The following RFX6 variants were observed in gnomAD, a reference collection of about 807,000 sequenced individuals.
RFX6 encodes the protein DNA-binding protein RFX6.
Under a neutral mutation model 110.8 loss-of-function variants are expected in RFX6, and 50 were observed. The observed-to-expected ratio is 0.45, with a 90% CI of 0.36 to 0.57. The LOEUF is 0.57. Among genes scored for constraint, RFX6 ranks in the 20% least tolerant of loss-of-function variants. RFX6 has a pLI of 0.00. For synonymous variants in RFX6, 383 were observed against 411.2 expected (o/e 0.93, Z 0.83); for missense variants, 990 against 1,127.0 (o/e 0.88, Z 1.74).
chr6:116,920,439 G>T lies in RFX6; in HGVS notation c.1312G>T (p.Gly438Cys). ...TTCAGGCAGCACAGACACTGAATCTGGTATCTACACTGAACGTAAGTCCAT... is the reference window on the plus strand; with the variant it reads ...TTCAGGCAGCACAGACACTGAATCTTGTATCTACACTGAACGTAAGTCCAT... ...TISGSTDTESGIYTEHDSITV... is the reference protein window; with the variant it reads ...TISGSTDTESCIYTEHDSITV... The change falls in exon 12 of 19, where the codon GGT becomes TGT. Residue 438 changes from glycine to cysteine, a missense_variant. This residue lies in a region of RFX6 where 45 missense variants were observed against 29.3 expected (regional missense o/e 1.53). Transcript: ENST00000332958. 6.2e-7 allele frequency: 1 copy of T among 1,613,368 alleles called. No homozygotes were observed.
In RFX6 at chr6:116,879,954, A is replaced by G. The variant is rs548240253; in HGVS notation, c.381-590A>G. ...TTACATTATCTTTTAAGTGTATAGG[A>G]TGTTTTAGATAATTATAGTACTGAT... On this transcript the variant is annotated intron_variant, in intron 2 of 18. Coordinates refer to ENST00000332958, the MANE Select transcript of RFX6 (RefSeq NM_173560.4). 1.1e-4 allele frequency among the ~76,000 whole-genome samples: 17 copies of G among 152,090 alleles called. No homozygotes were observed. In the South Asian group the frequency reaches 1.7e-3, roughly 15 times the overall value.
At chr6:116,905,042 C>T (rs939111830) in intron 6 of RFX6, among the ~76,000 whole-genome samples, 9 of 152,234 alleles carry the variant, frequency 5.9e-5, no homozygotes, top group East Asian at 1.9e-4. Context: ...TACCCAGAAG[C>T]GGAATTACTG....
At chr6:116,928,370 A>G (rs1051911040) in intron 17 of RFX6, among the ~76,000 whole-genome samples, 1 of 152,208 alleles carries the variant, frequency 6.6e-6, no homozygotes. Flanking sequence ...GCATCTATAC[A>G]TGAAAGTAGT....
At chr6:116,912,260 T>C (rs577021781) in intron 7 of RFX6, among the ~76,000 whole-genome samples, 106 of 152,126 alleles carry the variant, frequency 7.0e-4, no homozygotes, top group African/African-American at 2.4e-3. Context: ...AATTGGATCA[T>C]TCGTATTCCA....
chr6:116,903,675 C>T (rs1160286797), intron 6 of RFX6, among the ~76,000 whole-genome samples: 1 of 151,894 alleles, frequency 6.6e-6, no homozygotes, highest in African/African-American at 2.4e-5. Flanking sequence ...TATTATTTGC[C>T]CAGTTGTATC....
intron 16 of RFX6, among the ~76,000 whole-genome samples, chr6:116,926,089 A>G (rs1775722818): frequency 1.3e-5 from 2 of 152,048 alleles, no homozygotes; most frequent in Admixed American, 1.3e-4. Context: ...GGCCGAGGCG[A>G]GCAGAGCACC....
At chr6:116,918,460 A>C (rs560536417) in intron 10 of RFX6, among the ~76,000 whole-genome samples, 1 of 152,132 alleles carries the variant, frequency 6.6e-6, no homozygotes, top group African/African-American at 2.4e-5. Context: ...TTTTGTCTTA[A>C]TTACAAAATC....
At chr6:116,895,568 C>T (rs1393106110) in intron 6 of RFX6, among the ~76,000 whole-genome samples, 2 of 152,022 alleles carry the variant, frequency 1.3e-5, no homozygotes, top group Non-Finnish European at 1.5e-5. Flanking sequence ...GGACTGCACC[C>T]ATTTAGACAA....
Position 116,922,073 on chromosome 6 carries a change from G to T in RFX6, c.1359G>T (p.Lys453Asn). Residue 453 changes from lysine to asparagine, a missense_variant, in exon 13 of 19, where the codon AAG becomes AAT. Lys to Asn is a moderately conservative substitution (Grantham distance 94, BLOSUM62 0). Transcript: ENST00000332958. ...CTATCACTGTGTTCCAAGAACTGAA[G>T]GATCTCCTTAAGAAGAATGCCACTG... ...HDSITVFQEL[K>N]DLLKKNATVE... 1 of 1,537,376 alleles carries T rather than the reference G, an allele frequency of 6.5e-7. No homozygotes were observed.
In RFX6 at chr6:116,907,101, C is replaced by T. The variant is rs183767254; in HGVS notation, c.673-3834C>T. Among the ~76,000 whole-genome samples, 14 of 150,046 alleles carry T rather than the reference C, an allele frequency of 9.3e-5. No individual in the cohort carries two copies. The East Asian group carries it at 2.5e-3, about 27-fold the overall frequency. ...AAAGGATATGGAATTTTTTCAAATACTTTTTCTGTACCTAATGAGATTATC... is the reference window on the plus strand; with the variant it reads ...AAAGGATATGGAATTTTTTCAAATATTTTTTCTGTACCTAATGAGATTATC... On this transcript the variant is annotated intron_variant, in intron 6 of 18. Transcript: ENST00000332958.
intron 5 of RFX6, among the ~76,000 whole-genome samples, chr6:116,894,731 G>A (rs780739428): frequency 1.3e-4 from 19 of 151,934 alleles, no homozygotes; most frequent in South Asian, 2.1e-4. Flanking sequence ...TTTATGGTAC[G>A]ATTTACCAAG....
chr6:116,913,252 G>A (rs1236154043), intron 7 of RFX6, among the ~76,000 whole-genome samples: 2 of 152,094 alleles, frequency 1.3e-5, no homozygotes, highest in African/African-American at 4.8e-5. Flanking sequence ...AGTAGAGACG[G>A]GATTTCCCTA....
rs147810279 is a variant in RFX6 at position 116,898,367 on chromosome 6, T to C, written c.672+3160T>C. 2.0e-4 allele frequency among the ~76,000 whole-genome samples: 30 copies of C among 152,206 alleles called. No homozygotes were observed. The East Asian group carries it at 5.8e-3, about 29-fold the overall frequency. On this transcript the variant is annotated intron_variant, in intron 6 of 18. Transcript: ENST00000332958. ...GTTTTTGAGACAGGGTCTCACTCTG[T>C]CACCCAGGCTGGTGTGCAGTGGCAC...
intron 15 of RFX6, among the ~76,000 whole-genome samples, chr6:116,925,155 A>G (rs1223633665): frequency 2.0e-5 from 3 of 152,242 alleles, no homozygotes; most frequent in Non-Finnish European, 1.5e-5. Flanking sequence ...AGTTTAGAGA[A>G]GGAAGGAAAC....
chr6:116,911,965 C>CTAACTAACT (rs1775361852), intron 7 of RFX6, among the ~76,000 whole-genome samples: 1 of 152,138 alleles, frequency 6.6e-6, no homozygotes, highest in Non-Finnish European at 1.5e-5. Flanking sequence ...ATTTTGATGA[C>CTAACTAACT]AGCCATACTC....
Position 116,919,163 on chromosome 6 carries a change from C to A in RFX6, c.1049C>A (p.Ala350Asp), listed in dbSNP as rs1562145490. The A allele has an allele frequency of 1.2e-6, 2 of 1,613,486 alleles. No homozygotes were observed. Among genetic ancestry groups the A allele is most frequent in the Non-Finnish European group, 1.7e-6 (2 of 1,179,592 alleles). The change falls in exon 11 of 19, where the codon GCT (alanine) becomes GAT (aspartate). Residue 350 changes from alanine to aspartate, a missense_variant. Physicochemically the swap from Ala to Asp is moderately radical, Grantham distance 126. This residue lies in a region of RFX6 where 243 missense variants were observed against 353.1 expected (regional missense o/e 0.69). Transcript: ENST00000332958. ...ESLLADIRNFAKNWEQWVVSS... is the reference protein window; with the variant it reads ...ESLLADIRNFDKNWEQWVVSS... ...TTATTAGCAGACATAAGAAATTTTG[C>A]TAAAAATTGGGAACAGTGGGTTGTT...
chr6:116,930,963 G>A (rs1350471297), intron 18 of RFX6, among the ~76,000 whole-genome samples: 1 of 152,122 alleles, frequency 6.6e-6, no homozygotes, highest in Non-Finnish European at 1.5e-5. Flanking sequence ...AAACAAAGGT[G>A]GAGATCATGG....
chr6:116,906,822 A>G (rs771526747), intron 6 of RFX6, among the ~76,000 whole-genome samples: 40 of 146,272 alleles, frequency 2.7e-4, no homozygotes, highest in Non-Finnish European at 4.3e-4. Flanking sequence ...GAGATTTTCT[A>G]CTTCTTCCTT....
chr6:116,894,884 T>A (rs1163466950), intron 5 of RFX6, among the ~76,000 whole-genome samples: 1 of 152,144 alleles, frequency 6.6e-6, no homozygotes, highest in African/African-American at 2.4e-5. Flanking sequence ...ACCACCCCAC[T>A]ATAAAATGTA....
Sources: allele counts gnomAD v4.1 joint callset (sites outside exome capture counted in the v4.1 genomes callset), GRCh38; gene constraint gnomAD v4.1.1; regional missense constraint gnomAD v4.1.1; transcripts MANE v1.5; gene names NCBI Gene and HGNC (gene_info 2026-07-23, HGNC 2026-07-21).